NKAIN2: variants seen among roughly 807,000 people sequenced by gnomAD.
NKAIN2 encodes sodium/potassium transporting ATPase interacting 2, also known as sodium/potassium-transporting ATPase subunit beta-1-interacting protein 2.
NKAIN2 carries 14 observed loss-of-function variants against 32.6 expected under a neutral mutation model. The observed-to-expected ratio is 0.43, with a 90% CI of 0.28 to 0.67. The LOEUF (loss-of-function observed/expected upper bound fraction) is 0.67. Among genes scored for constraint, NKAIN2 ranks in the 30% least tolerant of loss-of-function variants. The pLI, the probability that NKAIN2 is intolerant of heterozygous loss-of-function variation, is 0.17. For missense variants in NKAIN2, 198 were observed against 258.3 expected, an observed-to-expected ratio of 0.77 and a Z score of 1.60; for synonymous variants, 80 against 87.2, an observed-to-expected ratio of 0.92 and a Z score of 0.46.
chr6:123,808,856 A>AC (rs1562192176), intron 1 of NKAIN2, among the ~76,000 whole-genome samples: 1 of 152,216 alleles, frequency 6.6e-6, no homozygotes, highest in Non-Finnish European at 1.5e-5. Context: ...GAAGTCAGGG[A>AC]TTCCTTAAAA....
intron 2 of NKAIN2, among the ~76,000 whole-genome samples, chr6:124,283,892 T>G (rs924745128): frequency 6.6e-6 from 1 of 152,206 alleles, no homozygotes; most frequent in African/African-American, 2.4e-5. Context: ...TATTTAAAAT[T>G]GTAAAGCAGG....
chr6:124,430,126 G>T (rs539282148), intron 3 of NKAIN2, among the ~76,000 whole-genome samples: 1 of 152,182 alleles, frequency 6.6e-6, no homozygotes, highest in Non-Finnish European at 1.5e-5. Context: ...TATTTTTAAG[G>T]AAAATGAATT....
At chr6:124,701,434 G>A (rs1365900079) in intron 4 of NKAIN2, among the ~76,000 whole-genome samples, 1 of 151,952 alleles carries the variant, frequency 6.6e-6, no homozygotes, top group East Asian at 1.9e-4. Context: ...TATTAAGTAT[G>A]TATTTTTGCG....
chr6:124,044,817 T>C (rs929035183), intron 1 of NKAIN2, among the ~76,000 whole-genome samples: 17 of 152,166 alleles, frequency 1.1e-4, no homozygotes, highest in African/African-American at 4.1e-4. Context: ...CAAATTATCA[T>C]TGAAAGATGT....
At chr6:124,625,788 T>C (rs1783302704) in intron 3 of NKAIN2, among the ~76,000 whole-genome samples, 3 of 152,034 alleles carry the variant, frequency 2.0e-5, no homozygotes, top group Non-Finnish European at 4.4e-5. Context: ...GAGAACAGTA[T>C]GGTTAAATAA....
intron 4 of NKAIN2, among the ~76,000 whole-genome samples, chr6:124,688,204 C>G (rs143255046): frequency 6.6e-6 from 1 of 152,232 alleles, no homozygotes; most frequent in East Asian, 1.9e-4. Context: ...TTACCACATT[C>G]AGTGCTTTAC....
intron 4 of NKAIN2, among the ~76,000 whole-genome samples, chr6:124,727,432 C>T (rs1340097114): frequency 1.3e-4 from 20 of 150,162 alleles, no homozygotes; most frequent in Non-Finnish European, 6.0e-5. Context: ...AATTTTCAAC[C>T]CAGAATTTCA....
chr6:124,271,383 A>AT (rs937545448), intron 1 of NKAIN2, among the ~76,000 whole-genome samples: 1 of 151,990 alleles, frequency 6.6e-6, no homozygotes, highest in African/African-American at 2.4e-5. Flanking sequence ...CGCCTGGCTA[A>AT]TTTTTTGTAT....
intron 3 of NKAIN2, among the ~76,000 whole-genome samples, chr6:124,365,832 T>A (rs117067353): frequency 0.015 from 2,270 of 152,170 alleles, 33 homozygotes; most frequent in Non-Finnish European, 0.023. Context: ...ACTATAGAAT[T>A]AAGCTAGAAA....
At chr6:124,287,262 T>C (rs764878638) in intron 2 of NKAIN2, among the ~76,000 whole-genome samples, 1 of 152,204 alleles carries the variant, frequency 6.6e-6, no homozygotes, top group Non-Finnish European at 1.5e-5. Flanking sequence ...GGTTTTCTGA[T>C]ATTGAGACTG....
At chr6:124,611,447 G>T (rs1355698919) in intron 3 of NKAIN2, among the ~76,000 whole-genome samples, 1 of 152,102 alleles carries the variant, frequency 6.6e-6, no homozygotes, top group Non-Finnish European at 1.5e-5. Context: ...TGCCATGGTG[G>T]TTTGCTGTAC....
intron 2 of NKAIN2, among the ~76,000 whole-genome samples, chr6:124,320,597 G>C (rs1342204100): frequency 1.3e-5 from 2 of 152,080 alleles, no homozygotes; most frequent in African/African-American, 2.4e-5. Context: ...AAGGCAAACT[G>C]CCTATTATTT....
Position 124,732,329 on chromosome 6 carries a change from G to A in NKAIN2, c.475-59010G>A, listed in dbSNP as rs139376705. Among the ~76,000 whole-genome samples the A allele has an allele frequency of 1.4e-4, 21 of 152,104 alleles. No individual in the cohort carries two copies. In the East Asian group the frequency reaches 1.9e-3, roughly 14 times the overall value. On this transcript the variant is annotated intron_variant, in intron 4 of 6. Coordinates refer to ENST00000368417, the MANE Select transcript of NKAIN2 (RefSeq NM_001040214.3). ...AAGGAATAGAGATACGGGCTCTTACGGAAGCTGAGGAATAGGACAGGGTTT... is the reference window on the plus strand; with the variant it reads ...AAGGAATAGAGATACGGGCTCTTACAGAAGCTGAGGAATAGGACAGGGTTT...
chr6:124,385,982 C>T (rs9491148), intron 3 of NKAIN2, among the ~76,000 whole-genome samples: 37,275 of 152,004 alleles, frequency 0.25, 6,387 homozygotes, highest in African/African-American at 0.49. Context: ...AGCCATTTAG[C>T]CCATTTCTAA....
chr6:124,178,875 G>C (rs1014310484), intron 1 of NKAIN2, among the ~76,000 whole-genome samples: 91 of 152,278 alleles, frequency 6.0e-4, no homozygotes, highest in African/African-American at 2.1e-3. Context: ...AATAGAAACA[G>C]TGAATTCAGA....
intron 3 of NKAIN2, among the ~76,000 whole-genome samples, chr6:124,573,374 G>A (rs981142769): frequency 2.0e-5 from 3 of 151,650 alleles, no homozygotes; most frequent in South Asian, 2.1e-4. Flanking sequence ...CTTATTTTAC[G>A]CACCAAGACC....
At chr6:124,175,739 A>AT (rs1311377854) in intron 1 of NKAIN2, among the ~76,000 whole-genome samples, 2 of 151,902 alleles carry the variant, frequency 1.3e-5, no homozygotes, top group Admixed American at 6.6e-5. Flanking sequence ...ATCAATTCAG[A>AT]TTTTTTTTAA....
At chr6:124,806,252 A>G (rs1433333530) in intron 5 of NKAIN2, among the ~76,000 whole-genome samples, 1 of 152,230 alleles carries the variant, frequency 6.6e-6, no homozygotes, top group African/African-American at 2.4e-5. Flanking sequence ...AGATCGGGTT[A>G]CACACAAAGG....
intron 3 of NKAIN2, among the ~76,000 whole-genome samples, chr6:124,571,905 C>T (rs753314349): frequency 5.3e-5 from 8 of 152,202 alleles, no homozygotes; most frequent in Non-Finnish European, 1.2e-4. Context: ...TTTCTCAATA[C>T]ACTTCTCAAA....
Sources: allele counts gnomAD v4.1 joint callset (sites outside exome capture counted in the v4.1 genomes callset), GRCh38; gene constraint gnomAD v4.1.1; transcripts MANE v1.5; gene names NCBI Gene and HGNC (gene_info 2026-07-23, HGNC 2026-07-21).